ERBB4: variants seen among roughly 807,000 people sequenced by gnomAD.
ERBB4 encodes receptor tyrosine-protein kinase erbB-4.
A neutral mutation model predicts 158.0 loss-of-function variants in ERBB4; 42 were observed. That is an observed-to-expected ratio of 0.27 (90% CI 0.21 to 0.34). ERBB4 has a LOEUF of 0.34. ERBB4 is among the 10% of genes least tolerant of loss of function. ERBB4 has a pLI of 1.00. For synonymous variants in ERBB4, 583 were observed against 558.7 expected (o/e 1.04, Z -0.61); for missense variants, 1,333 against 1,624.1 (o/e 0.82, Z 3.08).
At chr2:211,522,539 A>C (rs374990198) in intron 20 of ERBB4, among the ~76,000 whole-genome samples, 3 of 152,306 alleles carry the variant, frequency 2.0e-5, no homozygotes, top group African/African-American at 7.2e-5. Context: ...ATATAAACTT[A>C]GTTGATGGAG....
chr2:212,417,949 G>A (rs2091696228), intron 1 of ERBB4, among the ~76,000 whole-genome samples: 1 of 152,018 alleles, frequency 6.6e-6, no homozygotes, highest in Non-Finnish European at 1.5e-5. Flanking sequence ...TCATAAGGGT[G>A]AAGCTCTCAT....
At chr2:211,459,660 T>C (rs971829380) in intron 20 of ERBB4, among the ~76,000 whole-genome samples, 1 of 152,182 alleles carries the variant, frequency 6.6e-6, no homozygotes, top group African/African-American at 2.4e-5. Context: ...CCTGCTGCCA[T>C]GTAAGATGTG....
intron 3 of ERBB4, among the ~76,000 whole-genome samples, chr2:211,942,500 G>A (rs1337151321): frequency 6.6e-6 from 1 of 152,016 alleles, no homozygotes; most frequent in African/African-American, 2.4e-5. Flanking sequence ...GGGACCGCAG[G>A]CATGTGCCAT....
At chr2:212,495,672 C>T (rs1337874078) in intron 1 of ERBB4, among the ~76,000 whole-genome samples, 2 of 152,146 alleles carry the variant, frequency 1.3e-5, no homozygotes, top group African/African-American at 4.8e-5. Flanking sequence ...TAAAATTAGC[C>T]CTGGCACATA....
intron 20 of ERBB4, among the ~76,000 whole-genome samples, chr2:211,446,977 A>G (rs1211540178): frequency 6.6e-6 from 1 of 152,162 alleles, no homozygotes; most frequent in African/African-American, 2.4e-5. Flanking sequence ...TAAGAAAACT[A>G]TAAACCCTCT....
At chr2:211,862,428 C>T (rs2078083279) in intron 3 of ERBB4, among the ~76,000 whole-genome samples, 1 of 151,060 alleles carries the variant, frequency 6.6e-6, no homozygotes, top group Non-Finnish European at 1.5e-5. Context: ...CAAGCATTGT[C>T]TTAGATGAGA....
rs186435238 is a variant in ERBB4, at chr2:212,358,843, T to A, written c.82+179606A>T. On this transcript the variant is annotated intron_variant, in intron 1 of 27. Transcript: ENST00000342788. ...TAAATATTGGATTCAAAATCTAACC[T>A]TCATTATGAAACCTTGTATGTCAAA... is the stretch of plus-strand genomic sequence containing the variant. Among the ~76,000 whole-genome samples, 311 of 151,870 alleles carry A rather than the reference T, an allele frequency of 2.0e-3. 3 individuals are homozygous for A. The highest frequency in any genetic ancestry group is 7.0e-3 in the African/African-American group (291 of 41,510).
At chr2:211,817,300 G>A (rs926164124) in intron 3 of ERBB4, among the ~76,000 whole-genome samples, 1 of 152,138 alleles carries the variant, frequency 6.6e-6, no homozygotes, top group Non-Finnish European at 1.5e-5. Context: ...GAAGGGAAAG[G>A]AAACCTTTAC....
chr2:212,075,568 C>A (rs929390377), intron 2 of ERBB4, among the ~76,000 whole-genome samples: 6 of 151,618 alleles, frequency 4.0e-5, no homozygotes, highest in African/African-American at 7.3e-5. Flanking sequence ...GAGAAATTAT[C>A]AAAGAAATCT....
intron 19 of ERBB4, among the ~76,000 whole-genome samples, chr2:211,614,727 A>G (rs1394250211): frequency 1.3e-5 from 2 of 152,122 alleles, no homozygotes; most frequent in Admixed American, 1.3e-4. Flanking sequence ...ATGTAAACTG[A>G]TAAATTATAT....
At chr2:211,523,570 T>C (rs1385637755) in intron 20 of ERBB4, among the ~76,000 whole-genome samples, 2 of 151,676 alleles carry the variant, frequency 1.3e-5, no homozygotes, top group Admixed American at 1.3e-4. Flanking sequence ...GCTCAGGAGT[T>C]AAGCTGCAGA....
intron 20 of ERBB4, among the ~76,000 whole-genome samples, chr2:211,442,176 C>CACTT (rs1310407801): frequency 6.6e-6 from 1 of 152,070 alleles, no homozygotes; most frequent in Non-Finnish European, 1.5e-5. Flanking sequence ...TTTGCCTTTA[C>CACTT]ACTTACTATT....
At chr2:212,307,311 G>C (rs1194929319) in intron 1 of ERBB4, among the ~76,000 whole-genome samples, 2 of 150,224 alleles carry the variant, frequency 1.3e-5, no homozygotes, top group Non-Finnish European at 3.0e-5. Context: ...TAGTTCCTCT[G>C]ACTAAATACA....
Position 212,400,665 on chromosome 2 carries a change from A to C in ERBB4, c.82+137784T>G, listed in dbSNP as rs77786192. 7.4e-3 allele frequency among the ~76,000 whole-genome samples: 1,127 copies of C among 152,260 alleles called. 10 individuals carry two copies. Among genetic ancestry groups the C allele is most frequent in the Middle Eastern group, 0.01 (3 of 294 alleles). On this transcript the variant is annotated intron_variant, in intron 1 of 27. Transcript: ENST00000342788. ...ACAAAACTATGGGATTTGGTCTCTG[A>C]AACTGAAGCTATTGAGGAGAGCAAT...
At chr2:211,668,607 G>A (rs13418752) in intron 14 of ERBB4, among the ~76,000 whole-genome samples, 11,389 of 151,224 alleles carry the variant, frequency 0.075, 621 homozygotes, top group Non-Finnish European at 0.11. Flanking sequence ...TTTTTGAGTC[G>A]TCATTGATGT....
chr2:212,446,591 G>GTATGTATGTATA (rs1303302858), intron 1 of ERBB4, among the ~76,000 whole-genome samples: 8 of 27,518 alleles, frequency 2.9e-4, no homozygotes, highest in Non-Finnish European at 3.6e-4. Flanking sequence ...ATATATATAT[G>GTATGTATGTATA]TATATATATA....
intron 1 of ERBB4, among the ~76,000 whole-genome samples, chr2:212,179,948 T>C (rs970455246): frequency 1.3e-5 from 2 of 151,642 alleles, no homozygotes; most frequent in Non-Finnish European, 3.0e-5. Flanking sequence ...GAATAATAGA[T>C]GATAAAAAAT....
intron 1 of ERBB4, among the ~76,000 whole-genome samples, chr2:212,311,915 C>T (rs898640781): frequency 6.6e-6 from 1 of 150,892 alleles, no homozygotes; most frequent in African/African-American, 2.4e-5. Context: ...AACTCAACTC[C>T]TGGTGAATAA....
chr2:211,719,017 T>C (rs966499398), intron 7 of ERBB4, among the ~76,000 whole-genome samples: 67 of 152,208 alleles, frequency 4.4e-4, no homozygotes, highest in Non-Finnish European at 7.3e-5. Flanking sequence ...TTAAAATGTT[T>C]CCTCCAGGGT....
Sources: gnomAD v4.1 joint callset for allele counts (sites outside exome capture counted in the v4.1 genomes callset) on GRCh38, gnomAD v4.1.1 for gene constraint, MANE v1.5 for transcripts, NCBI Gene and HGNC (gene_info 2026-07-23, HGNC 2026-07-21) for gene names.